The following LRRC4C variants were observed in gnomAD, a reference collection of about 807,000 sequenced individuals.
LRRC4C encodes the protein leucine rich repeat containing 4C, also known as leucine-rich repeat-containing protein 4C.
In LRRC4C, 5 loss-of-function variants were observed where a neutral mutation model predicts 33.6. That is an observed-to-expected ratio of 0.15 (90% CI 0.08 to 0.31). The LOEUF (loss-of-function observed/expected upper bound fraction) is 0.31, where lower values mean the gene tolerates loss of function less well. LRRC4C is among the 10% of genes least tolerant of loss of function. The pLI is 1.00. For synonymous variants in LRRC4C, 329 were observed against 302.0 expected (o/e 1.09, Z -0.93); for missense variants, 560 against 796.7 (o/e 0.70, Z 3.58).
chr11:41,106,495 A>G (rs766020279), intron 1 of LRRC4C, among the ~76,000 whole-genome samples: 5 of 151,904 alleles, frequency 3.3e-5, no homozygotes, highest in Non-Finnish European at 7.4e-5. Context: ...AAAATTACTC[A>G]CTGTCACCTA....
chr11:41,271,842 A>T (rs1949330979), intron 1 of LRRC4C, among the ~76,000 whole-genome samples: 1 of 152,154 alleles, frequency 6.6e-6, no homozygotes, highest in Non-Finnish European at 1.5e-5. Flanking sequence ...AAAGGAAAAG[A>T]GGCAGAGAGG....
At chr11:41,201,488 GA>G (rs779702901) in intron 1 of LRRC4C, among the ~76,000 whole-genome samples, 5 of 152,072 alleles carry the variant, frequency 3.3e-5, no homozygotes, top group African/African-American at 4.8e-5. Flanking sequence ...TATTTTATAG[GA>G]AAAATAAACT....
chr11:41,032,480 T>A (rs1856786052), intron 1 of LRRC4C, among the ~76,000 whole-genome samples: 1 of 152,054 alleles, frequency 6.6e-6, no homozygotes, highest in South Asian at 2.1e-4. Context: ...AGATCTATTG[T>A]TTTAACATTT....
chr11:40,476,039 C>T (rs1953201623), intron 3 of LRRC4C, among the ~76,000 whole-genome samples: 1 of 152,144 alleles, frequency 6.6e-6, no homozygotes, highest in African/African-American at 2.4e-5. Context: ...CAGTAATACC[C>T]TCCTGCATCT....
At chr11:40,747,910 T>G (rs1320486716) in intron 2 of LRRC4C, among the ~76,000 whole-genome samples, 1 of 152,018 alleles carries the variant, frequency 6.6e-6, no homozygotes, top group Non-Finnish European at 1.5e-5. Flanking sequence ...ATACAAAACA[T>G]CATAAAGTGA....
chr11:41,162,455 G>A (rs1382047608), intron 1 of LRRC4C, among the ~76,000 whole-genome samples: 3 of 152,110 alleles, frequency 2.0e-5, no homozygotes, highest in Non-Finnish European at 4.4e-5. Context: ...GATACATTCT[G>A]AGAAACTCAT....
intron 2 of LRRC4C, among the ~76,000 whole-genome samples, chr11:40,875,612 T>C (rs960003529): frequency 1.3e-5 from 2 of 152,134 alleles, no homozygotes; most frequent in African/African-American, 4.8e-5. Flanking sequence ...AATACACTTC[T>C]GGTCTCAAGC....
chr11:41,240,251 T>A (rs1223860442), intron 1 of LRRC4C, among the ~76,000 whole-genome samples: 1 of 152,178 alleles, frequency 6.6e-6, no homozygotes, highest in African/African-American at 2.4e-5. Flanking sequence ...ATGTCTTAGG[T>A]AACTGCAGCT....
At chr11:40,966,168 T>C (rs963352711) in intron 1 of LRRC4C, among the ~76,000 whole-genome samples, 7 of 151,990 alleles carry the variant, frequency 4.6e-5, no homozygotes, top group Non-Finnish European at 1.0e-4. Context: ...GTAATTTCAT[T>C]AGCATGTTAC....
intron 1 of LRRC4C, among the ~76,000 whole-genome samples, chr11:41,323,648 T>C (rs1951021653): frequency 6.6e-6 from 1 of 152,150 alleles, no homozygotes; most frequent in South Asian, 2.1e-4. Context: ...CTAACTAAAA[T>C]TGCAGGGAAT....
chr11:40,907,244 T>C (rs950112618), intron 2 of LRRC4C, among the ~76,000 whole-genome samples: 4 of 152,212 alleles, frequency 2.6e-5, no homozygotes, highest in African/African-American at 4.8e-5. Flanking sequence ...CTAGCCCTTG[T>C]AGTGCTGAGT....
intron 1 of LRRC4C, among the ~76,000 whole-genome samples, chr11:41,194,315 A>C (rs1437138903): frequency 6.6e-6 from 1 of 152,094 alleles, no homozygotes; most frequent in Non-Finnish European, 1.5e-5. Flanking sequence ...CAGTGCTTCT[A>C]ACCCCTATAT....
At chr11:40,227,584 G>T (rs961646580) in intron 5 of LRRC4C, among the ~76,000 whole-genome samples, 2 of 152,256 alleles carry the variant, frequency 1.3e-5, no homozygotes, top group South Asian at 4.1e-4. Flanking sequence ...GAGGTGAAAA[G>T]TCTTAGGCTG....
At chr11:40,277,259 A>G (rs569128618) in intron 4 of LRRC4C, among the ~76,000 whole-genome samples, 8 of 152,250 alleles carry the variant, frequency 5.3e-5, no homozygotes, top group Non-Finnish European at 1.0e-4. Context: ...TCTCCCCAAC[A>G]TAAGAAAACA....
intron 2 of LRRC4C, among the ~76,000 whole-genome samples, chr11:40,734,475 T>C (rs1433069091): frequency 1.7e-4 from 26 of 151,918 alleles, no homozygotes; most frequent in Admixed American, 1.7e-3. Flanking sequence ...AGGAAGAATG[T>C]ATACTTCACC....
chr11:40,393,497 A>G (rs1336811981), intron 3 of LRRC4C, among the ~76,000 whole-genome samples: 1 of 152,158 alleles, frequency 6.6e-6, no homozygotes, highest in Non-Finnish European at 1.5e-5. Context: ...TGAATGAACA[A>G]CTTAATAGAC....
chr11:41,187,991 A>C (rs1365941391), intron 1 of LRRC4C, among the ~76,000 whole-genome samples: 1 of 152,214 alleles, frequency 6.6e-6, no homozygotes, highest in Non-Finnish European at 1.5e-5. Flanking sequence ...AGTGGCAGTA[A>C]ATGTTAATTT....
At chr11:40,770,372 T>C (rs748124977) in intron 2 of LRRC4C, among the ~76,000 whole-genome samples, 2 of 152,166 alleles carry the variant, frequency 1.3e-5, no homozygotes, top group Non-Finnish European at 2.9e-5. Context: ...ACTGCCCCTA[T>C]GATAGAATCA....
intron 2 of LRRC4C, among the ~76,000 whole-genome samples, chr11:40,738,455 A>T (rs1015013663): frequency 1.3e-5 from 2 of 152,006 alleles, no homozygotes; most frequent in Non-Finnish European, 1.5e-5. Context: ...TCTCTAGAGG[A>T]CTCTGACTAA....
Sources: gnomAD v4.1 joint callset for allele counts (sites outside exome capture counted in the v4.1 genomes callset) on GRCh38, gnomAD v4.1.1 for gene constraint, MANE v1.5 for transcripts, NCBI Gene and HGNC (gene_info 2026-07-23, HGNC 2026-07-21) for gene names.